Variants in JAZF1 observed in about 807,000 individuals in gnomAD.
The protein encoded by JAZF1 is JAZF zinc finger 1.
Under a neutral mutation model 26.4 loss-of-function variants are expected in JAZF1, and 8 were observed. The observed-to-expected ratio is 0.30, with a 90% CI of 0.18 to 0.55. JAZF1 has a LOEUF of 0.55. Among genes scored for constraint, JAZF1 ranks in the 20% least tolerant of loss-of-function variants. JAZF1 has a pLI of 0.94. For missense variants in JAZF1, 199 were observed against 322.0 expected (o/e 0.62, Z 2.92); for synonymous variants, 126 against 122.3 (o/e 1.03, Z -0.20).
chr7:28,160,068 G>A (rs1244228096), intron 1 of JAZF1, among the ~76,000 whole-genome samples: 4 of 152,036 alleles, frequency 2.6e-5, no homozygotes, highest in African/African-American at 4.8e-5. Flanking sequence ...GGTGAAAATC[G>A]GTTCTGGGTG....
chr7:28,176,388 A>C (rs1336020066), intron 1 of JAZF1, among the ~76,000 whole-genome samples: 1 of 152,212 alleles, frequency 6.6e-6, no homozygotes, highest in Non-Finnish European at 1.5e-5. Context: ...CTGCGCCCAG[A>C]ATGTCCTCAT....
intron 1 of JAZF1, among the ~76,000 whole-genome samples, chr7:28,140,795 G>A (rs145691900): frequency 1.3e-5 from 2 of 152,242 alleles, no homozygotes; most frequent in African/African-American, 4.8e-5. Flanking sequence ...TATGGTAAGA[G>A]AAATAAAATA....
chr7:28,169,046 A>G (rs904051742), intron 1 of JAZF1, among the ~76,000 whole-genome samples: 1 of 152,230 alleles, frequency 6.6e-6, no homozygotes, highest in Non-Finnish European at 1.5e-5. Context: ...ATAAATCAAT[A>G]AGGCTGATTT....
At chr7:28,113,698 G>T (rs960782271) in intron 1 of JAZF1, among the ~76,000 whole-genome samples, 2 of 152,130 alleles carry the variant, frequency 1.3e-5, no homozygotes, top group South Asian at 4.1e-4. Flanking sequence ...AGTAGCTTGC[G>T]AAGTCCACAC....
At chr7:27,876,233 CT>C (rs2128338772) in intron 3 of JAZF1, among the ~76,000 whole-genome samples, 1 of 152,332 alleles carries the variant, frequency 6.6e-6, no homozygotes, top group East Asian at 1.9e-4. Flanking sequence ...GACAGAGGGT[CT>C]CTCTTCAACC....
At chr7:27,888,501 C>A (rs1783910027) in intron 3 of JAZF1, among the ~76,000 whole-genome samples, 2 of 152,148 alleles carry the variant, frequency 1.3e-5, no homozygotes, top group South Asian at 4.1e-4. Context: ...CAACTCCATT[C>A]AGATAGAGCT....
chr7:27,919,561 AGG>A (rs2128347498), intron 2 of JAZF1, among the ~76,000 whole-genome samples: 1 of 152,340 alleles, frequency 6.6e-6, no homozygotes, highest in Non-Finnish European at 1.5e-5. Context: ...AACAAGCATG[AGG>A]ATGCATTTTA....
chr7:27,976,159 A>G (rs1785465685), intron 2 of JAZF1, among the ~76,000 whole-genome samples: 1 of 152,126 alleles, frequency 6.6e-6, no homozygotes, highest in Non-Finnish European at 1.5e-5. Flanking sequence ...CCTGGCTACC[A>G]TGGTGAAACC....
chr7:27,858,659 G>A (rs1783318246), intron 3 of JAZF1, among the ~76,000 whole-genome samples: 2 of 152,138 alleles, frequency 1.3e-5, no homozygotes, highest in Admixed American at 6.5e-5. Flanking sequence ...AAATGCTGTT[G>A]GGAAAACTGG....
At chr7:28,141,499 T>C (rs776373813) in intron 1 of JAZF1, among the ~76,000 whole-genome samples, 3 of 152,240 alleles carry the variant, frequency 2.0e-5, no homozygotes, top group Non-Finnish European at 4.4e-5. Flanking sequence ...AGACTGTCAA[T>C]TCAACTTTTA....
At chr7:28,114,211 G>A (rs1784705018) in intron 1 of JAZF1, among the ~76,000 whole-genome samples, 1 of 152,146 alleles carries the variant, frequency 6.6e-6, no homozygotes, top group South Asian at 2.1e-4. Flanking sequence ...CCTTGGAGCT[G>A]GCCATGCTCC....
At chr7:27,872,796 A>G (rs964962311) in intron 3 of JAZF1, among the ~76,000 whole-genome samples, 1 of 152,146 alleles carries the variant, frequency 6.6e-6, no homozygotes, top group Non-Finnish European at 1.5e-5. Flanking sequence ...CTGCTTGTAA[A>G]AAAGGTAGTT....
In JAZF1 at chr7:28,097,956, G is replaced by A. The variant is rs74319337; in HGVS notation, c.115+82507C>T. On this transcript the variant is annotated intron_variant, in intron 1 of 4. Transcript: ENST00000283928. ...AATTCTCAAACCATTCCATAACGTAGTTATTATTATTAAATCTCATGATGA... is the reference window on the plus strand; with the variant it reads ...AATTCTCAAACCATTCCATAACGTAATTATTATTATTAAATCTCATGATGA... Among the ~76,000 whole-genome samples the A allele has an allele frequency of 0.013, 2,055 of 152,252 alleles. 144 individuals are homozygous for A. The East Asian group carries it at 0.23, about 17-fold the overall frequency.
At chr7:28,067,008 A>G (rs1783894288) in intron 1 of JAZF1, among the ~76,000 whole-genome samples, 1 of 152,150 alleles carries the variant, frequency 6.6e-6, no homozygotes, top group Non-Finnish European at 1.5e-5. Flanking sequence ...TTAAGCTTCC[A>G]CAAGTTAACT....
At chr7:28,162,931 G>A (rs1446343752) in intron 1 of JAZF1, among the ~76,000 whole-genome samples, 2 of 152,182 alleles carry the variant, frequency 1.3e-5, no homozygotes, top group African/African-American at 2.4e-5. Context: ...ATCTGAATAC[G>A]ATTCAGTGGC....
intron 1 of JAZF1, among the ~76,000 whole-genome samples, chr7:28,145,642 T>A (rs1269527230): frequency 6.6e-6 from 1 of 152,062 alleles, no homozygotes; most frequent in East Asian, 1.9e-4. Flanking sequence ...TTATATAAAA[T>A]CAGAGTCATC....
intron 1 of JAZF1, among the ~76,000 whole-genome samples, chr7:28,018,551 T>A (rs1220655094): frequency 6.6e-6 from 1 of 152,138 alleles, no homozygotes; most frequent in East Asian, 1.9e-4. Context: ...CCCATTTCAC[T>A]CTCCAAAGTG....
intron 1 of JAZF1, among the ~76,000 whole-genome samples, chr7:28,074,579 G>C (rs1027235412): frequency 7.9e-5 from 12 of 152,162 alleles, no homozygotes; most frequent in African/African-American, 2.4e-4. Context: ...AATCAAAAAA[G>C]ATTTGTGGCT....
intron 1 of JAZF1, among the ~76,000 whole-genome samples, chr7:28,044,858 G>C (rs1783468229): frequency 6.6e-6 from 1 of 152,108 alleles, no homozygotes; most frequent in Non-Finnish European, 1.5e-5. Context: ...AATCACTCTG[G>C]AGCAAAAGAC....
Sources: gnomAD v4.1 joint callset for allele counts (sites outside exome capture counted in the v4.1 genomes callset) on GRCh38, gnomAD v4.1.1 for gene constraint, MANE v1.5 for transcripts, NCBI Gene and HGNC (gene_info 2026-07-23, HGNC 2026-07-21) for gene names.